Variants in TRHDE observed in about 807,000 individuals in gnomAD.
TRHDE encodes the protein thyrotropin releasing hormone degrading enzyme.
In TRHDE, 72 loss-of-function variants were observed where a neutral mutation model predicts 125.7. The ratio of observed to expected loss-of-function variants is 0.57; its 90% CI spans 0.47 to 0.70. The LOEUF (loss-of-function observed/expected upper bound fraction) is 0.70, where lower values mean the gene tolerates loss of function less well. Ranked by LOEUF, TRHDE falls within the 30% of genes least tolerant of loss-of-function variation. TRHDE has a pLI of 0.00. For missense variants in TRHDE, 1,110 were observed against 1,327.1 expected (o/e 0.84, Z 2.54); for synonymous variants, 509 against 509.1 (o/e 1.00, Z 0.00).
chr12:72,373,506 A>T (rs943123988), intron 2 of TRHDE, among the ~76,000 whole-genome samples: 1 of 152,192 alleles, frequency 6.6e-6, no homozygotes, highest in African/African-American at 2.4e-5. Context: ...ATAGATAAAA[A>T]TCTTTGCCCT....
intron 2 of TRHDE, among the ~76,000 whole-genome samples, chr12:72,209,860 T>C (rs1176132286): frequency 6.6e-6 from 1 of 152,236 alleles, no homozygotes; most frequent in Non-Finnish European, 1.5e-5. Context: ...TGTTTTCTGA[T>C]GCATTTATGC....
intron 3 of TRHDE, among the ~76,000 whole-genome samples, chr12:72,460,516 T>G (rs1443148142): frequency 2.0e-5 from 3 of 152,198 alleles, no homozygotes; most frequent in African/African-American, 7.2e-5. Context: ...GTTCAGTGTT[T>G]ATATGCCCAG....
chr12:72,444,733 T>C (rs1249645535), intron 3 of TRHDE, among the ~76,000 whole-genome samples: 1 of 151,770 alleles, frequency 6.6e-6, no homozygotes, highest in Non-Finnish European at 1.5e-5. Flanking sequence ...GAAATGTCTG[T>C]TAGTGAAGCT....
At chr12:72,163,818 G>T (rs1278664592) in intron 2 of TRHDE, among the ~76,000 whole-genome samples, 1 of 152,136 alleles carries the variant, frequency 6.6e-6, no homozygotes, top group Non-Finnish European at 1.5e-5. Context: ...GTCTCTCAAG[G>T]GTACTCAAAT....
chr12:72,547,844 G>T (rs1046864741), intron 7 of TRHDE, among the ~76,000 whole-genome samples: 1 of 151,792 alleles, frequency 6.6e-6, no homozygotes, highest in African/African-American at 2.4e-5. Flanking sequence ...AGGCAGGTTG[G>T]CAATAACCAG....
chr12:72,346,384 G>A (rs1870329001), intron 2 of TRHDE, among the ~76,000 whole-genome samples: 2 of 152,092 alleles, frequency 1.3e-5, no homozygotes, highest in African/African-American at 4.8e-5. Flanking sequence ...AGCCAAGATG[G>A]TGGAAATGCA....
chr12:72,301,110 G>GAAAT (rs1165469504), intron 2 of TRHDE, among the ~76,000 whole-genome samples: 1 of 152,072 alleles, frequency 6.6e-6, no homozygotes, highest in Non-Finnish European at 1.5e-5. Context: ...GAAAAATGAA[G>GAAAT]AAATACGGAG....
chr12:72,659,144 A>T (rs575829188), intron 18 of TRHDE, among the ~76,000 whole-genome samples: 1 of 152,306 alleles, frequency 6.6e-6, no homozygotes, highest in South Asian at 2.1e-4. Context: ...GATTTTAATG[A>T]TCCTCATCAG....
intron 2 of TRHDE, among the ~76,000 whole-genome samples, chr12:72,245,577 G>A (rs1878560441): frequency 6.6e-6 from 1 of 151,986 alleles, no homozygotes; most frequent in African/African-American, 2.4e-5. Context: ...GTTCCTACCA[G>A]ATGCAGCAGG....
chr12:72,315,375 CA>C (rs1868748583), intron 2 of TRHDE, among the ~76,000 whole-genome samples: 1 of 150,822 alleles, frequency 6.6e-6, no homozygotes, highest in African/African-American at 2.4e-5. Context: ...TTTTATGGAA[CA>C]AGTAGTTTAG....
chr12:72,165,831 C>T lies in TRHDE; in HGVS notation n.279+60079C>T, dbSNP rs141514446. On this transcript the variant is annotated intron_variant and non_coding_transcript_variant, in intron 2 of 4. Transcript: ENST00000548156. ...CTGGGACTACAGGCGCCCGCCACCA[C>T]GCCTGGCTAATTTTTTTGTATTTTT... Among the ~76,000 whole-genome samples, 1,284 of 152,160 alleles carry T rather than the reference C, an allele frequency of 8.4e-3. 4 individuals are homozygous for T. Among genetic ancestry groups the T allele is most frequent in the Non-Finnish European group, 0.014 (949 of 67,978 alleles).
chr12:72,588,054 A>ATG (rs1435687300), intron 12 of TRHDE, among the ~76,000 whole-genome samples: 1 of 152,178 alleles, frequency 6.6e-6, no homozygotes, highest in Non-Finnish European at 1.5e-5. Flanking sequence ...CTGGTAAGCG[A>ATG]TCAGCAAGCA....
At chr12:72,343,070 G>C (rs1010890000) in intron 2 of TRHDE, among the ~76,000 whole-genome samples, 2 of 152,090 alleles carry the variant, frequency 1.3e-5, no homozygotes, top group African/African-American at 4.8e-5. Flanking sequence ...TTCAGAACCA[G>C]GATTCTAAGC....
chr12:72,401,935 T>C (rs962289238), intron 3 of TRHDE, among the ~76,000 whole-genome samples: 7 of 152,200 alleles, frequency 4.6e-5, no homozygotes, highest in Non-Finnish European at 8.8e-5. Context: ...CTTAAAATGG[T>C]TACTACTACT....
intron 2 of TRHDE, among the ~76,000 whole-genome samples, chr12:72,307,843 A>G (rs1056288918): frequency 1.3e-5 from 2 of 152,160 alleles, no homozygotes; most frequent in Admixed American, 1.3e-4. Context: ...ATACTAAATA[A>G]CTTTACCCAA....
chr12:72,642,112 C>T (rs980075511), intron 15 of TRHDE, among the ~76,000 whole-genome samples: 1 of 152,172 alleles, frequency 6.6e-6, no homozygotes, highest in Non-Finnish European at 1.5e-5. Flanking sequence ...TGCTGTTACC[C>T]TAGTCTCAGA....
chr12:72,155,257 G>A (rs1420580081), intron 2 of TRHDE, among the ~76,000 whole-genome samples: 1 of 151,940 alleles, frequency 6.6e-6, no homozygotes, highest in African/African-American at 2.4e-5. Context: ...GGTCCTTTAA[G>A]GACCTCTCTG....
intron 3 of TRHDE, among the ~76,000 whole-genome samples, chr12:72,439,686 G>A (rs866302344): frequency 1.6e-4 from 25 of 151,896 alleles, no homozygotes; most frequent in Middle Eastern, 3.4e-3. Context: ...CATATCATCT[G>A]CAAACATGAA....
intron 4 of TRHDE, among the ~76,000 whole-genome samples, chr12:72,472,128 G>A (rs1317724471): frequency 4.6e-5 from 7 of 152,076 alleles, no homozygotes; most frequent in Admixed American, 4.6e-4. Flanking sequence ...CATTCCTGTA[G>A]CAGTTTGTTA....
Sources: gnomAD v4.1 joint callset for allele counts (sites outside exome capture counted in the v4.1 genomes callset) on GRCh38, gnomAD v4.1.1 for gene constraint, MANE v1.5 for transcripts, NCBI Gene and HGNC (gene_info 2026-07-23, HGNC 2026-07-21) for gene names.